EEFSEC: variants seen among roughly 807,000 people sequenced by gnomAD.
The protein encoded by EEFSEC is eukaryotic elongation factor, selenocysteine-tRNA specific.
EEFSEC carries 43 observed loss-of-function variants against 42.1 expected under a neutral mutation model. That is an observed-to-expected ratio of 1.02 (90% CI 0.80 to 1.32). EEFSEC has a LOEUF of 1.32. Ranked by LOEUF, EEFSEC falls within the 40% of genes most tolerant of loss-of-function variation. The pLI, the probability that EEFSEC is intolerant of heterozygous loss-of-function variation, is 0.00. For synonymous variants in EEFSEC, 354 were observed against 339.1 expected (o/e 1.04, Z -0.48); for missense variants, 745 against 803.6 (o/e 0.93, Z 0.88).
intron 1 of EEFSEC, among the ~76,000 whole-genome samples, chr3:128,208,391 A>G (rs2107828297): frequency 6.6e-6 from 1 of 152,324 alleles, no homozygotes; most frequent in Middle Eastern, 3.4e-3. Context: ...CTCAGGAAAA[A>G]TGACCAAATT....
intron 4 of EEFSEC, among the ~76,000 whole-genome samples, chr3:128,313,338 C>T (rs1293415467): frequency 6.6e-6 from 1 of 152,262 alleles, no homozygotes; most frequent in African/African-American, 2.4e-5. Flanking sequence ...GTTTATCCTC[C>T]TGGCAACAGG....
intron 1 of EEFSEC, among the ~76,000 whole-genome samples, chr3:128,189,235 C>T (rs982968015): frequency 1.3e-5 from 2 of 152,174 alleles, no homozygotes; most frequent in Admixed American, 6.5e-5. Context: ...CCTTGACAAG[C>T]GCCTCGCAGA....
chr3:128,159,624 A>ATCCC (rs1383453579), intron 1 of EEFSEC, among the ~76,000 whole-genome samples: 2 of 151,962 alleles, frequency 1.3e-5, no homozygotes, highest in Admixed American at 6.6e-5. Context: ...CCCATCAACG[A>ATCCC]TCCCATCAAC....
intron 2 of EEFSEC, among the ~76,000 whole-genome samples, chr3:128,250,911 G>GTTTTTTT (rs35594175): frequency 2.8e-5 from 3 of 108,564 alleles, no homozygotes; most frequent in African/African-American, 3.5e-5. Context: ...GTTTTTTTTG[G>GTTTTTTT]TTTTTTTTTT....
intron 6 of EEFSEC, among the ~76,000 whole-genome samples, chr3:128,391,546 A>G (rs1454732591): frequency 3.9e-5 from 6 of 152,216 alleles, no homozygotes; most frequent in Non-Finnish European, 7.3e-5. Context: ...GAGTCCAGGC[A>G]TGGCAGGAGT....
intron 6 of EEFSEC, among the ~76,000 whole-genome samples, chr3:128,367,045 C>T (rs2067598580): frequency 6.6e-6 from 1 of 152,232 alleles, no homozygotes; most frequent in African/African-American, 2.4e-5. Context: ...TGCCTTCTCC[C>T]TGTGTCCTCA....
Position 128,299,876 on chromosome 3 carries a change from G to A in EEFSEC, c.786+35095G>A, listed in dbSNP as rs144945663. Among the ~76,000 whole-genome samples, 279 of 152,338 alleles carry A rather than the reference G, an allele frequency of 1.8e-3. 2 individuals carry two copies. The highest frequency in any genetic ancestry group is 6.4e-3 in the African/African-American group (267 of 41,576). Reference sequence around the variant, plus strand: ...AAATCAGAAAAGGCAAAAATGTCAGGAGCACCTCGTGCACTCTTGAGGTGT... The same window carrying A: ...AAATCAGAAAAGGCAAAAATGTCAGAAGCACCTCGTGCACTCTTGAGGTGT... On this transcript the variant is annotated intron_variant, in intron 4 of 6. Coordinates refer to ENST00000254730, the MANE Select transcript of EEFSEC (RefSeq NM_021937.5).
At chr3:128,362,653 C>T (rs1029153621) in intron 6 of EEFSEC, among the ~76,000 whole-genome samples, 1 of 152,204 alleles carries the variant, frequency 6.6e-6, no homozygotes, top group Non-Finnish European at 1.5e-5. Flanking sequence ...AGCCCCAGGC[C>T]CCTATTACCA....
intron 6 of EEFSEC, among the ~76,000 whole-genome samples, chr3:128,390,147 T>TG (rs1182274719): frequency 6.6e-6 from 1 of 152,236 alleles, no homozygotes; most frequent in African/African-American, 2.4e-5. Context: ...TTGGGACTGT[T>TG]TCTCCTGGAT....
intron 1 of EEFSEC, among the ~76,000 whole-genome samples, chr3:128,189,039 G>A (rs1340991219): frequency 6.6e-6 from 1 of 152,134 alleles, no homozygotes; most frequent in East Asian, 1.9e-4. Flanking sequence ...TACATGGGGG[G>A]GGCTCCCAAA....
intron 1 of EEFSEC, among the ~76,000 whole-genome samples, chr3:128,190,502 G>A (rs2065512330): frequency 6.6e-6 from 1 of 152,226 alleles, no homozygotes; most frequent in African/African-American, 2.4e-5. Flanking sequence ...GTGTGTTTGT[G>A]TTTTAAGCTA....
chr3:128,409,142 A>G (rs938608029), downstream of EEFSEC, among the ~76,000 whole-genome samples: 1 of 152,192 alleles, frequency 6.6e-6, no homozygotes, highest in Non-Finnish European at 1.5e-5. Context: ...GAAGGGGTGA[A>G]TGGTGGAGTC....
rs936107844 is a variant in EEFSEC at position 128,251,037 on chromosome 3, T to C, written c.524+3994T>C. ...GTAAAGGAATTATTTTCTTAATTTATTTTGGATTGTTCATTGCTGGTGGAT... is the reference window on the plus strand; with the variant it reads ...GTAAAGGAATTATTTTCTTAATTTACTTTGGATTGTTCATTGCTGGTGGAT... On this transcript the variant is annotated intron_variant, in intron 2 of 6. Coordinates refer to ENST00000254730, the MANE Select transcript of EEFSEC (RefSeq NM_021937.5). Among the ~76,000 whole-genome samples the C allele has an allele frequency of 7.9e-5, 12 of 152,162 alleles. No individual in the cohort carries two copies. The South Asian group carries it at 1.9e-3, about 24-fold the overall frequency.
chr3:128,368,427 T>G (rs1576677061), intron 6 of EEFSEC, among the ~76,000 whole-genome samples: 1 of 145,204 alleles, frequency 6.9e-6, no homozygotes, highest in African/African-American at 2.5e-5. Flanking sequence ...AGAGCGAGAC[T>G]CCATCTCCAA....
chr3:128,206,602 C>T (rs2065699144), intron 1 of EEFSEC, among the ~76,000 whole-genome samples: 1 of 152,138 alleles, frequency 6.6e-6, no homozygotes, highest in African/African-American at 2.4e-5. Context: ...AGTAGTTTCT[C>T]TTAGTGGCCA....
intron 5 of EEFSEC, among the ~76,000 whole-genome samples, chr3:128,342,452 A>C (rs545815493): frequency 1.3e-5 from 2 of 152,290 alleles, no homozygotes; most frequent in South Asian, 4.2e-4. Flanking sequence ...TCACCTGTGG[A>C]CTGAGGGGAA....
chr3:128,254,547 A>C (rs946069210), intron 2 of EEFSEC, among the ~76,000 whole-genome samples: 39 of 152,148 alleles, frequency 2.6e-4, no homozygotes, highest in African/African-American at 9.2e-4. Context: ...AATTAGTCCT[A>C]GGTTTCTAGC....
the EEFSEC span, among the ~76,000 whole-genome samples, chr3:128,417,747 A>G: frequency 6.6e-6 from 1 of 152,076 alleles, no homozygotes; most frequent in Non-Finnish European, 1.5e-5. The surrounding 1 kb of genome is among the most constrained non-coding windows in gnomAD (Gnocchi z 4.3). Flanking sequence ...AGCTGGTCTC[A>G]TTATTGCCGT....
intron 6 of EEFSEC, among the ~76,000 whole-genome samples, chr3:128,368,130 G>C (rs925593970): frequency 6.6e-6 from 1 of 152,222 alleles, no homozygotes; most frequent in African/African-American, 2.4e-5. Context: ...GTTGCATTTG[G>C]CACAGAAGTA....
Sources: gnomAD v4.1 joint callset for allele counts (sites outside exome capture counted in the v4.1 genomes callset) on GRCh38, gnomAD v4.1.1 for gene constraint, Gnocchi (gnomAD v3.1) non-coding constraint, MANE v1.5 for transcripts, NCBI Gene and HGNC (gene_info 2026-07-23, HGNC 2026-07-21) for gene names.